The following LRRTM4 variants were observed in gnomAD, a reference collection of about 807,000 sequenced individuals.
LRRTM4 encodes leucine-rich repeat transmembrane neuronal protein 4.
In LRRTM4, 25 loss-of-function variants were observed where a neutral mutation model predicts 47.6. The observed-to-expected ratio is 0.53, with a 90% CI of 0.38 to 0.73. The LOEUF is 0.73. Ranked by LOEUF, LRRTM4 falls within the 30% of genes least tolerant of loss-of-function variation. The pLI is 0.00. For synonymous variants in LRRTM4, 311 were observed against 269.5 expected (o/e 1.15, Z -1.51); for missense variants, 638 against 713.4 (o/e 0.89, Z 1.20).
At chr2:77,062,917 G>A (rs1284624067) in intron 3 of LRRTM4, among the ~76,000 whole-genome samples, 1 of 149,276 alleles carries the variant, frequency 6.7e-6, no homozygotes. Context: ...TTTCTTCTGT[G>A]TTCAGTTCCT....
chr2:77,236,653 G>C (rs546776055), intron 3 of LRRTM4, among the ~76,000 whole-genome samples: 2 of 152,190 alleles, frequency 1.3e-5, no homozygotes, highest in East Asian at 3.9e-4. Flanking sequence ...GATATTAGCT[G>C]TGGGTTTGTC....
intron 3 of LRRTM4, among the ~76,000 whole-genome samples, chr2:76,966,227 G>C (rs1488063830): frequency 6.6e-6 from 1 of 151,354 alleles, no homozygotes; most frequent in Admixed American, 6.6e-5. Flanking sequence ...AGGAAGAAAA[G>C]AAATGGAGGG....
chr2:76,820,259 A>G (rs925343474), intron 3 of LRRTM4, among the ~76,000 whole-genome samples: 6 of 151,892 alleles, frequency 4.0e-5, no homozygotes, highest in African/African-American at 1.4e-4. Flanking sequence ...TCGCTGCTTT[A>G]TAGTGCCATT....
chr2:76,922,039 T>C (rs1674448641), intron 3 of LRRTM4, among the ~76,000 whole-genome samples: 1 of 152,120 alleles, frequency 6.6e-6, no homozygotes, highest in Non-Finnish European at 1.5e-5. Flanking sequence ...AAATGTGACA[T>C]ATACATAAAC....
intron 3 of LRRTM4, among the ~76,000 whole-genome samples, chr2:77,275,852 C>G (rs980728003): frequency 6.6e-6 from 1 of 151,886 alleles, no homozygotes; most frequent in Non-Finnish European, 1.5e-5. Context: ...ATAATAAGAG[C>G]TTTTCTCAGT....
At chr2:77,088,147 T>C (rs1680788310) in intron 3 of LRRTM4, among the ~76,000 whole-genome samples, 1 of 152,214 alleles carries the variant, frequency 6.6e-6, no homozygotes, top group Non-Finnish European at 1.5e-5. Flanking sequence ...TTATTTTGAT[T>C]ACTAAATTTC....
intron 3 of LRRTM4, among the ~76,000 whole-genome samples, chr2:77,187,432 C>T (rs1673542158): frequency 1.4e-5 from 2 of 138,210 alleles, no homozygotes; most frequent in Admixed American, 1.7e-4. Context: ...AATGAGAACA[C>T]ATGGACACAG....
At chr2:77,029,695 T>C (rs529257361) in intron 3 of LRRTM4, among the ~76,000 whole-genome samples, 9 of 152,166 alleles carry the variant, frequency 5.9e-5, no homozygotes, top group Non-Finnish European at 1.2e-4. Flanking sequence ...AAATCTAATA[T>C]ATGGTGATGC....
intron 3 of LRRTM4, among the ~76,000 whole-genome samples, chr2:77,457,325 G>C (rs79464568): frequency 6.6e-6 from 1 of 151,406 alleles, no homozygotes; most frequent in Non-Finnish European, 1.5e-5. Context: ...ATTCTTGATT[G>C]CTTTCTTTCC....
chr2:77,502,166 C>T (rs571691249), intron 3 of LRRTM4, among the ~76,000 whole-genome samples: 1 of 151,370 alleles, frequency 6.6e-6, no homozygotes, highest in South Asian at 2.1e-4. Flanking sequence ...GATATATAAA[C>T]ATGTTCACAA....
chr2:77,336,848 T>A (rs1175506704), intron 3 of LRRTM4, among the ~76,000 whole-genome samples: 2 of 152,134 alleles, frequency 1.3e-5, no homozygotes, highest in African/African-American at 2.4e-5. Flanking sequence ...TTCAGCATAG[T>A]ACTGGAAGTC....
intron 3 of LRRTM4, among the ~76,000 whole-genome samples, chr2:76,849,912 A>T (rs78653457): frequency 6.6e-6 from 1 of 152,134 alleles, no homozygotes; most frequent in Non-Finnish European, 1.5e-5. Context: ...TGTTTTCCAC[A>T]TGAAAAGAAA....
chr2:76,968,353 T>C (rs968728715), intron 3 of LRRTM4, among the ~76,000 whole-genome samples: 7 of 107,994 alleles, frequency 6.5e-5, no homozygotes, highest in Non-Finnish European at 7.6e-5. Context: ...TATATATATA[T>C]ATATATATAT....
chr2:76,824,444 T>A (rs527604629), intron 3 of LRRTM4, among the ~76,000 whole-genome samples: 3 of 151,722 alleles, frequency 2.0e-5, no homozygotes, highest in Admixed American at 6.6e-5. Context: ...TATAGCCATT[T>A]AATAAATTCT....
At chr2:77,367,529 T>C (rs1359281076) in intron 3 of LRRTM4, among the ~76,000 whole-genome samples, 15 of 151,892 alleles carry the variant, frequency 9.9e-5, no homozygotes, top group Non-Finnish European at 1.5e-5. Context: ...GTTTTCACCC[T>C]TTTTTGCTCC....
intron 3 of LRRTM4, among the ~76,000 whole-genome samples, chr2:77,097,852 G>A (rs993403555): frequency 5.3e-5 from 8 of 151,658 alleles, no homozygotes; most frequent in African/African-American, 1.9e-4. Context: ...TAGAAAACAA[G>A]GCACAATAGG....
chr2:77,511,761 T>C (rs1679015898), intron 3 of LRRTM4, among the ~76,000 whole-genome samples: 1 of 152,092 alleles, frequency 6.6e-6, no homozygotes, highest in South Asian at 2.1e-4. Flanking sequence ...TTAAATATTT[T>C]ATTAATATGT....
chr2:76,974,762 T>G lies in LRRTM4; in HGVS notation c.1552-225846A>C, dbSNP rs144207858. Among the ~76,000 whole-genome samples, 659 of 151,872 alleles carry G rather than the reference T, an allele frequency of 4.3e-3. 24 individuals carry two copies. In the South Asian group the frequency reaches 0.068, roughly 16 times the overall value. On this transcript the variant is annotated intron_variant, in intron 3 of 3. Coordinates refer to ENST00000409884, the MANE Select transcript of LRRTM4 (RefSeq NM_001134745.3). ...TTATAAATTTAATTTTCCAAGAATA[T>G]TTCTGGAGTATAGTCAACAATGTAC... is the stretch of plus-strand genomic sequence containing the variant.
chr2:76,901,380 C>A (rs1341527909), intron 3 of LRRTM4, among the ~76,000 whole-genome samples: 1 of 152,130 alleles, frequency 6.6e-6, no homozygotes, highest in African/African-American at 2.4e-5. Flanking sequence ...AGTATGTTAT[C>A]TCATTTCTTA....
Sources: gnomAD v4.1 joint callset for allele counts (sites outside exome capture counted in the v4.1 genomes callset) on GRCh38, gnomAD v4.1.1 for gene constraint, MANE v1.5 for transcripts, NCBI Gene and HGNC (gene_info 2026-07-23, HGNC 2026-07-21) for gene names.